Variants in CAPN2 observed in about 807,000 individuals in gnomAD.
CAPN2 encodes the protein calpain 2.
A neutral mutation model predicts 102.3 loss-of-function variants in CAPN2; 92 were observed. That is an observed-to-expected ratio of 0.90 (90% CI 0.76 to 1.07). The LOEUF is 1.07. Among genes scored for constraint, CAPN2 ranks in the 50% least tolerant of loss-of-function variants. The pLI is 0.00. For missense variants in CAPN2, 800 were observed against 909.4 expected (o/e 0.88, Z 1.55); for synonymous variants, 340 against 355.4 (o/e 0.96, Z 0.49).
At chr1:223,772,144 C>T (rs1661494052) in intron 19 of CAPN2, 37 bp from the exon 20 acceptor site, 2 of 1,589,182 alleles carry the variant, frequency 1.3e-6, no homozygotes, top group African/African-American at 2.7e-5. Context: ...TGTTTCAGCT[C>T]ACTCACTTGT....
In CAPN2 at chr1:223,741,436, A is replaced by ATGTGTGTATATATATATATATATATAATG. The variant is rs67813439; in HGVS notation, c.308-2659_308-2658insGTATATATATATATATATATAATGTGTGT. Among the ~76,000 whole-genome samples the ATGTGTGTATATATATATATATATATAATG allele has an allele frequency of 2.4e-5, 3 of 124,232 alleles. No homozygotes were observed. In the South Asian group the frequency reaches 6.6e-4, roughly 27 times the overall value. The allele number at this position is 124,232 out of a possible 152,430, so 81.5% of individuals were successfully genotyped here. A position where few individuals can be genotyped will look rare whatever the true frequency, so the allele number is the denominator to read the frequency against. On this transcript the variant is annotated intron_variant, in intron 2 of 20. Transcript: ENST00000295006. ...GCTGTAAAATGTATATATATATATA[A>ATGTGTGTATATATATATATATATATAATG]TGTGTATATATATATATATATATAT...
At chr1:223,721,968 C>T (rs558251601) in intron 2 of CAPN2, among the ~76,000 whole-genome samples, 3 of 152,236 alleles carry the variant, frequency 2.0e-5, no homozygotes, top group African/African-American at 7.2e-5. Context: ...TGTGAAAAGT[C>T]CTTTTGCCAA....
chr1:223,735,288 G>T (rs1469486933), intron 2 of CAPN2, among the ~76,000 whole-genome samples: 1 of 152,160 alleles, frequency 6.6e-6, no homozygotes, highest in Non-Finnish European at 1.5e-5. Flanking sequence ...AGCTCTTTGG[G>T]TGGCCAAGGC....
intron 1 of CAPN2, among the ~76,000 whole-genome samples, chr1:223,706,880 G>A (rs901276913): frequency 1.3e-5 from 2 of 152,096 alleles, no homozygotes; most frequent in African/African-American, 4.8e-5. Context: ...AGGAGTTCAA[G>A]ACCAGCCTGG....
At chr1:223,735,689 C>T (rs1371070350) in intron 2 of CAPN2, among the ~76,000 whole-genome samples, 1 of 152,090 alleles carries the variant, frequency 6.6e-6, no homozygotes, top group East Asian at 1.9e-4. Context: ...TGGGGTGCTC[C>T]GTGGAGCCAT....
intron 2 of CAPN2, among the ~76,000 whole-genome samples, chr1:223,719,228 C>T (rs954063274): frequency 6.6e-6 from 1 of 152,138 alleles, no homozygotes; most frequent in Non-Finnish European, 1.5e-5. Flanking sequence ...CTTTGACCAA[C>T]CCCGGGGGCT....
intron 16 of CAPN2, among the ~76,000 whole-genome samples, chr1:223,769,204 C>T (rs1203263300): frequency 6.6e-6 from 1 of 152,160 alleles, no homozygotes; most frequent in Non-Finnish European, 1.5e-5. Context: ...ACTCGAACCT[C>T]CGCCTCCCAG....
At chr1:223,705,617 T>C (rs1659586026) in intron 1 of CAPN2, among the ~76,000 whole-genome samples, 1 of 152,194 alleles carries the variant, frequency 6.6e-6, no homozygotes, top group Non-Finnish European at 1.5e-5. Flanking sequence ...AGCTTGCTGA[T>C]GGGAATTATG....
In CAPN2 at chr1:223,759,400, T is replaced by C. The variant is rs780397175; in HGVS notation, c.1448T>C (p.Ile483Thr). The change falls in exon 12 of 21, where the codon ATT (isoleucine) becomes ACT (threonine). Residue 483 changes from isoleucine (I) to threonine (T), a missense_variant. Physicochemically the swap from Ile to Thr is moderately conservative, Grantham distance 89. Coordinates refer to ENST00000295006, the MANE Select transcript of CAPN2 (RefSeq NM_001748.5). This position sits in a 1 kb window ranked among gnomAD's most constrained non-coding sequence, Gnocchi z 4.6. ...TTCAAGCTGCCGCCAGGAGAGTACA[T>C]TCTCGTGCCTTCCACCTTCGAACCC... ...NRFKLPPGEY[I>T]LVPSTFEPNK... 2 of 1,614,182 alleles carry C rather than the reference T, an allele frequency of 1.2e-6. No homozygotes were observed. Among genetic ancestry groups the C allele is most frequent in the Non-Finnish European group, 1.7e-6 (2 of 1,180,036 alleles).
At chr1:223,729,393 T>C (rs1375322303) in intron 2 of CAPN2, among the ~76,000 whole-genome samples, 1 of 152,176 alleles carries the variant, frequency 6.6e-6, no homozygotes, top group Admixed American at 6.5e-5. Context: ...TAAGCTATGG[T>C]GTTAGGCAGT....
intron 19 of CAPN2, 75 bp downstream of exon 19, chr1:223,772,000 A>C: frequency 8.4e-7 from 1 of 1,186,928 alleles, no homozygotes; most frequent in Non-Finnish European, 1.3e-6. Context: ...CCTCGGTGAA[A>C]TCATCTAAAC....
At chr1:223,724,672 C>T (rs1274635628) in intron 2 of CAPN2, among the ~76,000 whole-genome samples, 4 of 152,194 alleles carry the variant, frequency 2.6e-5, no homozygotes, top group Non-Finnish European at 5.9e-5. Context: ...AAACAATGCA[C>T]AGACGTCAAT....
intron 2 of CAPN2, among the ~76,000 whole-genome samples, chr1:223,739,464 G>A (rs1660552197): frequency 6.6e-6 from 1 of 152,216 alleles, no homozygotes; most frequent in African/African-American, 2.4e-5. Flanking sequence ...GATTACAGGT[G>A]TGAGTCACCA....
chr1:223,753,414 C>G (rs1418762741), intron 9 of CAPN2, among the ~76,000 whole-genome samples: 1 of 152,274 alleles, frequency 6.6e-6, no homozygotes, highest in Non-Finnish European at 1.5e-5. Context: ...TTGCCCCATA[C>G]TCACTTCAAT....
At position 223,757,602 on chromosome 1, in the gene CAPN2, T is replaced by C. The variant is rs28370104; in HGVS notation, c.1317+222T>C. The stretch of plus-strand genomic sequence containing the variant: ...GAAAGTCCTTGTGGGACCCGCTGCC[T>C]CCCTGTGACCTGGCAGAGCCCATAC... On this transcript the variant is annotated intron_variant, in intron 11 of 20. Coordinates refer to ENST00000295006, the MANE Select transcript of CAPN2 (RefSeq NM_001748.5). 5.3e-6 allele frequency: 3 copies of C among 568,520 alleles called. No homozygotes were observed. In the South Asian group the frequency reaches 7.2e-5, roughly 14 times the overall value. The allele number at this position is 568,520 out of a possible 1,614,324, so 35.2% of individuals were successfully genotyped here.
chr1:223,720,283 T>C (rs1660016294), intron 2 of CAPN2, among the ~76,000 whole-genome samples: 1 of 150,966 alleles, frequency 6.6e-6, no homozygotes, highest in African/African-American at 2.4e-5. Flanking sequence ...GTTAGAGCAC[T>C]ACAAGATCAT....
At chr1:223,743,946 T>C (rs1222137) in intron 2 of CAPN2, among the ~76,000 whole-genome samples, 154 bp from the exon 3 acceptor site, 151,540 of 152,322 alleles carry the variant, frequency 0.99, 75,383 homozygotes, top group Middle Eastern at 1. Context: ...CCAAACCCTC[T>C]GACCCAACCC....
At chr1:223,714,422 G>T (rs1174291135) in intron 1 of CAPN2, among the ~76,000 whole-genome samples, 1 of 152,082 alleles carries the variant, frequency 6.6e-6, no homozygotes, top group African/African-American at 2.4e-5. Flanking sequence ...CACAAAAGAA[G>T]TGACTGTTTG....
chr1:223,757,037 C>T (rs3767713), intron 10 of CAPN2, among the ~76,000 whole-genome samples: 3,523 of 152,296 alleles, frequency 0.023, 122 homozygotes, highest in East Asian at 0.1. Context: ...TATTTCACCT[C>T]GCCTGCTGCC....
Sources: allele counts gnomAD v4.1 joint callset (sites outside exome capture counted in the v4.1 genomes callset), GRCh38; gene constraint gnomAD v4.1.1; non-coding constraint Gnocchi (gnomAD v3.1); transcripts MANE v1.5; gene names NCBI Gene and HGNC (gene_info 2026-07-23, HGNC 2026-07-21).